CFAP20DC: variants seen among roughly 807,000 people sequenced by gnomAD.
CFAP20DC encodes the protein protein CFAP20DC.
Under a neutral mutation model 101.7 loss-of-function variants are expected in CFAP20DC, and 84 were observed. The observed-to-expected ratio is 0.83, with a 90% confidence interval of 0.69 to 0.99. The LOEUF is 0.99. Ranked by LOEUF, CFAP20DC falls within the 50% of genes least tolerant of loss-of-function variation. CFAP20DC has a pLI of 0.00. For missense variants in CFAP20DC, 1,007 were observed against 970.3 expected, an observed-to-expected ratio of 1.04 and a Z score of -0.50; for synonymous variants, 359 against 351.2, an observed-to-expected ratio of 1.02 and a Z score of -0.25.
intron 4 of CFAP20DC, among the ~76,000 whole-genome samples, chr3:59,020,445 A>G (rs2108980195): frequency 6.6e-6 from 1 of 152,240 alleles, no homozygotes; most frequent in East Asian, 1.9e-4. Flanking sequence ...CACAGGATCT[A>G]GAACACAATA....
At chr3:58,734,395 C>T (rs2067705137) in intron 3 of CFAP20DC, 16 of 364,038 alleles carry the variant, frequency 4.4e-5, no homozygotes, top group South Asian at 3.4e-4. Context: ...ACCAGAGTTC[C>T]AAACCTGAAA....
chr3:58,828,997 A>G (rs2076222013), intron 14 of CFAP20DC, among the ~76,000 whole-genome samples: 1 of 152,124 alleles, frequency 6.6e-6, no homozygotes, highest in Admixed American at 6.6e-5. Context: ...ATTCCTGGCT[A>G]AAGGATCAAT....
rs573526440 is a variant in CFAP20DC at position 58,912,073 on chromosome 3, C to A, written c.550+1635G>T. Among the ~76,000 whole-genome samples the A allele has an allele frequency of 7.2e-5, 11 of 152,186 alleles. No homozygotes were observed. Among genetic ancestry groups the A allele is most frequent in the African/African-American group, 2.6e-4 (11 of 41,524 alleles). ...ATAAAATTTACAAACGTCTCTTGTC[C>A]GTTATTGTCTCCCCTCCCATATTCT... On this transcript the variant is annotated intron_variant, in intron 6 of 16. Transcript: ENST00000482387. The surrounding 1 kb of genome is among the most constrained non-coding windows in gnomAD (Gnocchi z 4.4).
At chr3:58,961,438 C>A (rs1460162451) in intron 4 of CFAP20DC, among the ~76,000 whole-genome samples, 1 of 152,078 alleles carries the variant, frequency 6.6e-6, no homozygotes, top group Non-Finnish European at 1.5e-5. Flanking sequence ...TCTATAATCC[C>A]AGCTACTTGG....
At chr3:59,048,111 C>T (rs1330955236) in intron 1 of CFAP20DC, among the ~76,000 whole-genome samples, 1 of 152,010 alleles carries the variant, frequency 6.6e-6, no homozygotes, top group Non-Finnish European at 1.5e-5. Context: ...TACTGAATGT[C>T]CATAAGCTTT....
chr3:58,750,524 C>T (rs190754551), intron 16 of CFAP20DC, among the ~76,000 whole-genome samples: 7 of 152,284 alleles, frequency 4.6e-5, no homozygotes, highest in East Asian at 3.9e-4. Flanking sequence ...CAAAGGTGGG[C>T]GATACCTTTC....
At chr3:58,718,398 G>A (rs556433339) in intron 3 of CFAP20DC, among the ~76,000 whole-genome samples, 11 of 152,160 alleles carry the variant, frequency 7.2e-5, no homozygotes, top group Non-Finnish European at 1.5e-4. Context: ...ATTCCTCCAT[G>A]TGACCCTGCA....
intron 4 of CFAP20DC, among the ~76,000 whole-genome samples, chr3:58,993,674 GA>G (rs2093014704): frequency 6.6e-6 from 1 of 152,156 alleles, no homozygotes; most frequent in Admixed American, 6.5e-5. Context: ...TTATAAGTGA[GA>G]ATGTGTATTT....
intron 13 of CFAP20DC, among the ~76,000 whole-genome samples, chr3:58,848,332 A>G (rs1029200815): frequency 6.6e-6 from 1 of 152,206 alleles, no homozygotes; most frequent in African/African-American, 2.4e-5. Flanking sequence ...CCAAAGCTTT[A>G]CAATGCAACA....
At chr3:58,937,574 A>G in intron 5 of CFAP20DC, 74 bp downstream of exon 5, 5 of 911,610 alleles carry the variant, frequency 5.5e-6, no homozygotes, top group Middle Eastern at 5.0e-4. Flanking sequence ...AGTACCTCAC[A>G]TATGGAGTCA....
Position 58,831,799 on chromosome 3 carries a change from G to T in CFAP20DC, c.2062C>A (p.Leu688Met). 6.2e-7 allele frequency: 1 copy of T among 1,614,022 alleles called. No homozygotes were observed. The highest frequency in any genetic ancestry group is 1.7e-5 in the Admixed American group (1 of 59,984). Residue 688 changes from leucine (L) to methionine (M), a missense_variant, in exon 14 of 17, where the codon CTG (leucine) becomes ATG (methionine). Transcript: ENST00000482387. The stretch of plus-strand genomic sequence containing the variant: ...CCATGGGAGGTCCCAGCATCCTCCA[G>T]TTCTTCATTTTGTTGCCACCGTAGG... The part of the protein sequence containing the change: ...ASLRWQQNEE[L>M]EDAGTSHGLS...
At chr3:59,017,070 C>T (rs976081105) in intron 4 of CFAP20DC, 1 of 152,116 alleles carries the variant, frequency 6.6e-6, no homozygotes, top group African/African-American at 2.4e-5. Context: ...GGAGTCTCTT[C>T]CTGACTTACC....
intron 15 of CFAP20DC, among the ~76,000 whole-genome samples, chr3:58,759,697 G>T (rs1180997453): frequency 2.0e-5 from 3 of 152,168 alleles, no homozygotes; most frequent in African/African-American, 4.8e-5. Context: ...AACCCATCTT[G>T]AATTAATTTT....
At chr3:58,793,242 T>G (rs1015819688) in intron 15 of CFAP20DC, among the ~76,000 whole-genome samples, 1 of 152,170 alleles carries the variant, frequency 6.6e-6, no homozygotes, top group Non-Finnish European at 1.5e-5. Flanking sequence ...AATCTGTTAA[T>G]CTACTCTTCG....
rs150019380 is a variant in CFAP20DC at position 59,011,364 on chromosome 3, C to G, written c.278+28193G>C. On this transcript the variant is annotated intron_variant, in intron 4 of 16. Transcript: ENST00000482387. ...AGTGAGTCAAGATTGCACCACTACA[C>G]TCCAGCCTGGGTGACAGAGCAAGGC... is the stretch of plus-strand genomic sequence containing the variant. 7.3e-4 allele frequency among the ~76,000 whole-genome samples: 111 copies of G among 151,166 alleles called. 4 individuals are homozygous for G. The East Asian group carries it at 0.011, about 15-fold the overall frequency.
intron 4 of CFAP20DC, among the ~76,000 whole-genome samples, chr3:58,990,103 G>A (rs543792330): frequency 2.6e-5 from 4 of 152,274 alleles, no homozygotes; most frequent in African/African-American, 9.6e-5. Flanking sequence ...TGCATTTTGT[G>A]TTCTCACAAT....
downstream of CFAP20DC, among the ~76,000 whole-genome samples, chr3:58,716,576 G>C (rs1304778307): frequency 6.6e-6 from 1 of 152,172 alleles, no homozygotes; most frequent in Non-Finnish European, 1.5e-5. Flanking sequence ...CAGGCCAAAA[G>C]TGGTCTCTCA....
At chr3:58,997,866 T>C (rs761353368) in intron 4 of CFAP20DC, among the ~76,000 whole-genome samples, 6 of 152,180 alleles carry the variant, frequency 3.9e-5, no homozygotes, top group Non-Finnish European at 7.3e-5. Flanking sequence ...AGGGTCTGTC[T>C]TCTGCCTTGG....
chr3:58,920,832 T>C (rs767791508), intron 5 of CFAP20DC, among the ~76,000 whole-genome samples: 1 of 152,200 alleles, frequency 6.6e-6, no homozygotes, highest in Non-Finnish European at 1.5e-5. Flanking sequence ...TCCTCCTTAT[T>C]TATTATTTGA....
Sources: gnomAD v4.1 joint callset for allele counts (sites outside exome capture counted in the v4.1 genomes callset) on GRCh38, gnomAD v4.1.1 for gene constraint, Gnocchi (gnomAD v3.1) non-coding constraint, MANE v1.5 for transcripts, NCBI Gene and HGNC (gene_info 2026-07-23, HGNC 2026-07-21) for gene names.